The following ROBO1 variants were observed in gnomAD, a reference collection of about 807,000 sequenced individuals.
The protein encoded by ROBO1 is roundabout homolog 1.
A neutral mutation model predicts 195.9 loss-of-function variants in ROBO1; 149 were observed. The ratio of observed to expected loss-of-function variants is 0.76; its 90% CI spans 0.67 to 0.87. The LOEUF is 0.87. Ranked by LOEUF, ROBO1 falls within the 40% of genes least tolerant of loss-of-function variation. The probability of loss-of-function intolerance (pLI) is 0.00; values close to 1 mark genes in which losing one functional copy is unlikely to be tolerated. For synonymous variants in ROBO1, 816 were observed against 733.2 expected, an observed-to-expected ratio of 1.11 and a Z score of -1.82; for missense variants, 1,933 against 2,068.3, an observed-to-expected ratio of 0.93 and a Z score of 1.27.
intron 3 of ROBO1, among the ~76,000 whole-genome samples, chr3:79,102,470 T>A (rs1039827674): frequency 6.6e-6 from 1 of 151,724 alleles, no homozygotes; most frequent in African/African-American, 2.4e-5. Flanking sequence ...AACACATAGA[T>A]GAGGCCAAGA....
chr3:79,641,232 T>A (rs1945649913), intron 1 of ROBO1, among the ~76,000 whole-genome samples: 1 of 152,130 alleles, frequency 6.6e-6, no homozygotes, highest in Admixed American at 6.6e-5. Flanking sequence ...AGAATGCCCT[T>A]TTCATTCTTC....
chr3:79,400,298 C>T (rs1352242168), intron 2 of ROBO1, among the ~76,000 whole-genome samples: 1 of 152,114 alleles, frequency 6.6e-6, no homozygotes, highest in Non-Finnish European at 1.5e-5. Flanking sequence ...ACAACACACA[C>T]ACACTTACGC....
chr3:79,230,961 C>A (rs1374797762), intron 2 of ROBO1, among the ~76,000 whole-genome samples: 4 of 152,046 alleles, frequency 2.6e-5, no homozygotes, highest in African/African-American at 9.7e-5. Context: ...CAAAAACAAG[C>A]AATGGGGAAA....
At chr3:78,669,029 T>C (rs1470963971) in intron 11 of ROBO1, among the ~76,000 whole-genome samples, 12 of 152,212 alleles carry the variant, frequency 7.9e-5, no homozygotes, top group Non-Finnish European at 1.8e-4. Context: ...AGGATAGGCA[T>C]CATAGAATTT....
intron 5 of ROBO1, among the ~76,000 whole-genome samples, chr3:78,725,753 A>C (rs1434400039): frequency 6.6e-6 from 1 of 152,164 alleles, no homozygotes; most frequent in Non-Finnish European, 1.5e-5. Flanking sequence ...TTTTTTGTTC[A>C]GTTCCCTTTT....
At chr3:79,160,114 T>G (rs2080929270) in intron 2 of ROBO1, among the ~76,000 whole-genome samples, 2 of 152,062 alleles carry the variant, frequency 1.3e-5, no homozygotes, top group African/African-American at 4.8e-5. Context: ...AGGCCATTTT[T>G]ACTTACAGAA....
At chr3:79,385,372 G>T (rs1202897035) in intron 2 of ROBO1, among the ~76,000 whole-genome samples, 1 of 152,086 alleles carries the variant, frequency 6.6e-6, no homozygotes, top group African/African-American at 2.4e-5. Context: ...AGAAGTTTAT[G>T]ACCATGGCGC....
In ROBO1 at chr3:79,149,477, C is replaced by T. The variant is rs143699355; in HGVS notation, c.89-23938G>A. On this transcript the variant is annotated intron_variant, in intron 2 of 30. Transcript: ENST00000464233. Reference sequence around the variant, plus strand: ...TTCCACATCCTAGCAATATCTGTCTCTGGTTCTGACGCTTATTCAGTCTCT... The same window carrying T: ...TTCCACATCCTAGCAATATCTGTCTTTGGTTCTGACGCTTATTCAGTCTCT... Among the ~76,000 whole-genome samples, 805 of 151,836 alleles carry T rather than the reference C, an allele frequency of 5.3e-3. 8 individuals are homozygous for T. Among genetic ancestry groups the T allele is most frequent in the Non-Finnish European group, 8.6e-3 (583 of 67,838 alleles).
chr3:79,708,865 T>C (rs2107210857), intron 1 of ROBO1, among the ~76,000 whole-genome samples: 1 of 152,226 alleles, frequency 6.6e-6, no homozygotes, highest in Non-Finnish European at 1.5e-5. Flanking sequence ...AGTCCTTGTC[T>C]CAAAAAACAA....
chr3:79,599,534 C>T (rs1196274217), intron 1 of ROBO1, among the ~76,000 whole-genome samples: 1 of 151,918 alleles, frequency 6.6e-6, no homozygotes, highest in Admixed American at 6.6e-5. Context: ...TGAAGATAAA[C>T]ACTAGTTTCT....
chr3:78,882,793 C>T (rs1367229886), intron 4 of ROBO1, among the ~76,000 whole-genome samples: 2 of 150,494 alleles, frequency 1.3e-5, no homozygotes, highest in South Asian at 2.1e-4. Flanking sequence ...TTCGGGATAA[C>T]ACCTCTGTTC....
intron 2 of ROBO1, among the ~76,000 whole-genome samples, chr3:79,170,826 T>C (rs1191932462): frequency 6.6e-6 from 1 of 152,130 alleles, no homozygotes; most frequent in Non-Finnish European, 1.5e-5. Flanking sequence ...TCATCAACTT[T>C]ATTTGCATGT....
intron 2 of ROBO1, among the ~76,000 whole-genome samples, chr3:79,141,544 T>C (rs546593469): frequency 6.8e-6 from 1 of 148,144 alleles, no homozygotes; most frequent in South Asian, 2.2e-4. Context: ...AGTGTGAGAG[T>C]GGCAATGGTG....
chr3:78,683,498 C>A (rs935369165), intron 10 of ROBO1, among the ~76,000 whole-genome samples: 8 of 151,802 alleles, frequency 5.3e-5, no homozygotes, highest in Non-Finnish European at 1.0e-4. Flanking sequence ...AGACTTATAC[C>A]ACCAGTTTTT....
At chr3:78,852,058 G>A (rs980149737) in intron 4 of ROBO1, among the ~76,000 whole-genome samples, 3 of 152,006 alleles carry the variant, frequency 2.0e-5, no homozygotes, top group Non-Finnish European at 2.9e-5. Context: ...TAAATAATGT[G>A]TATAGTTATT....
intron 4 of ROBO1, among the ~76,000 whole-genome samples, chr3:78,754,707 A>G (rs2082883906): frequency 6.6e-6 from 1 of 152,170 alleles, no homozygotes; most frequent in Non-Finnish European, 1.5e-5. Flanking sequence ...AGGGAGGTAG[A>G]CACACATATT....
chr3:78,720,729 T>C (rs1299931429), intron 5 of ROBO1, among the ~76,000 whole-genome samples: 5 of 152,114 alleles, frequency 3.3e-5, no homozygotes, highest in Non-Finnish European at 1.5e-5. Flanking sequence ...ATTAAGAAAA[T>C]GTGGCATATA....
At chr3:79,493,945 A>G (rs1007095317) in intron 2 of ROBO1, among the ~76,000 whole-genome samples, 3 of 152,204 alleles carry the variant, frequency 2.0e-5, no homozygotes, top group African/African-American at 7.2e-5. Context: ...GATCGTATTC[A>G]TTGTATCAAA....
intron 3 of ROBO1, among the ~76,000 whole-genome samples, chr3:79,041,508 T>C (rs1218234798): frequency 6.6e-6 from 1 of 152,138 alleles, no homozygotes; most frequent in Non-Finnish European, 1.5e-5. Context: ...TAGAATGTTC[T>C]TTACGGGTCT....
Sources: allele counts gnomAD v4.1 joint callset (sites outside exome capture counted in the v4.1 genomes callset), GRCh38; gene constraint gnomAD v4.1.1; transcripts MANE v1.5; gene names NCBI Gene and HGNC (gene_info 2026-07-23, HGNC 2026-07-21).